ABR: variants seen among roughly 807,000 people sequenced by gnomAD.
ABR encodes ABR activator of RhoGEF and GTPase, also known as active breakpoint cluster region-related protein.
Under a neutral mutation model 107.2 loss-of-function variants are expected in ABR, and 35 were observed. The ratio of observed to expected loss-of-function variants is 0.33; its 90% CI spans 0.25 to 0.43. The LOEUF (loss-of-function observed/expected upper bound fraction) is 0.43, where lower values mean the gene tolerates loss of function less well. ABR is among the 20% of genes least tolerant of loss of function. The probability of loss-of-function intolerance (pLI) is 1.00; values close to 1 mark genes in which losing one functional copy is unlikely to be tolerated. For synonymous variants in ABR, 498 were observed against 462.0 expected (o/e 1.08, Z -1.00); for missense variants, 815 against 1,115.2 (o/e 0.73, Z 3.83).
chr17:1,056,241 A>C, intron 13 of ABR, 132 bp from the exon 14 acceptor site: 1 of 801,192 alleles, frequency 1.2e-6, no homozygotes, highest in Admixed American at 2.2e-5. Flanking sequence ...CCTGGTGGCC[A>C]GATGAAAAAG....
intron 2 of ABR, among the ~76,000 whole-genome samples, chr17:1,111,704 C>G (rs1194710539): frequency 6.6e-6 from 1 of 152,206 alleles, no homozygotes; most frequent in East Asian, 1.9e-4. Flanking sequence ...TTCATTCTCC[C>G]GCCTCCTGTA....
chr17:1,034,631 A>G (rs2044192), intron 16 of ABR, among the ~76,000 whole-genome samples: 147,211 of 152,224 alleles, frequency 0.97, 71,248 homozygotes, highest in East Asian at 1. Context: ...ATCCACCCTC[A>G]CTGGGTCCCA....
chr17:1,124,726 G>A (rs984476153), intron 2 of ABR, among the ~76,000 whole-genome samples: 21 of 152,270 alleles, frequency 1.4e-4, no homozygotes, highest in African/African-American at 3.9e-4. Flanking sequence ...GAGGGCTGGA[G>A]CGGGCAGCTC....
At chr17:1,081,856 T>C (rs921905488) in intron 5 of ABR, among the ~76,000 whole-genome samples, 10 of 152,100 alleles carry the variant, frequency 6.6e-5, no homozygotes, top group African/African-American at 2.4e-4. Flanking sequence ...GGATGACAGG[T>C]GTGAGCCGCC....
At chr17:1,218,075 T>C (rs2043048233) in intron 1 of ABR, among the ~76,000 whole-genome samples, 1 of 152,210 alleles carries the variant, frequency 6.6e-6, no homozygotes, top group Non-Finnish European at 1.5e-5. Flanking sequence ...AGTAATCCGC[T>C]ACCTCGGACA....
At chr17:1,190,899 C>T (rs568477932), upstream of ABR, among the ~76,000 whole-genome samples, 48 of 152,360 alleles carry the variant, frequency 3.2e-4, no homozygotes, top group African/African-American at 1.0e-3. Flanking sequence ...ATCTGGCTTT[C>T]AGTTCAATGA....
intron 5 of ABR, among the ~76,000 whole-genome samples, chr17:1,081,733 C>T (rs1020113219): frequency 3.3e-5 from 5 of 152,184 alleles, no homozygotes; most frequent in Admixed American, 6.5e-5. Flanking sequence ...TGCACCACCA[C>T]GCCCGGCTAA....
intron 17 of ABR, 88 bp downstream of exon 17, chr17:1,013,017 G>A: frequency 2.7e-6 from 4 of 1,502,634 alleles, no homozygotes; most frequent in East Asian, 2.3e-5. Flanking sequence ...GCGGCCCCAG[G>A]AGCAGCCACA....
At chr17:1,197,081 T>A (rs2042584940) in intron 1 of ABR, among the ~76,000 whole-genome samples, 1 of 151,408 alleles carries the variant, frequency 6.6e-6, no homozygotes, top group Non-Finnish European at 1.5e-5. Flanking sequence ...CAGTGCCTCC[T>A]GGACAGACGC....
intron 13 of ABR, 40 bp from the exon 14 acceptor site, chr17:1,056,149 C>G (rs761862159): frequency 6.3e-7 from 1 of 1,581,914 alleles, no homozygotes; most frequent in South Asian, 1.1e-5. Context: ...GGGTGGTCAG[C>G]GGATCCCCTC....
At chr17:1,012,014 G>A in intron 18 of ABR, 29 bp from the exon 19 acceptor site, 1 of 1,610,010 alleles carries the variant, frequency 6.2e-7, no homozygotes, top group Non-Finnish European at 8.5e-7. Context: ...ATGGGTGGAG[G>A]GCAGCCCCCA....
At chr17:1,138,648 G>A (rs1183772103) in intron 1 of ABR, among the ~76,000 whole-genome samples, 2 of 151,894 alleles carry the variant, frequency 1.3e-5, no homozygotes, top group East Asian at 3.9e-4. Context: ...TGGCTGATTC[G>A]AAAAAGTTTT....
intron 16 of ABR, among the ~76,000 whole-genome samples, chr17:1,035,190 G>GT (rs1295521114): frequency 6.6e-6 from 1 of 151,652 alleles, no homozygotes; most frequent in African/African-American, 2.4e-5. Flanking sequence ...CAAGACAGAT[G>GT]TCCCCAGCAA....
chr17:1,057,793 CAGTT>C (rs2033507062), intron 12 of ABR, 173 bp downstream of exon 12: 2 of 592,802 alleles, frequency 3.4e-6, no homozygotes, highest in African/African-American at 3.7e-5. Context: ...TTCAGCCAAT[CAGTT>C]AGATTCTTTG....
chr17:1,219,954 G>A (rs2043086656), intron 1 of ABR, among the ~76,000 whole-genome samples: 2 of 151,642 alleles, frequency 1.3e-5, no homozygotes, highest in African/African-American at 2.4e-5. Flanking sequence ...GTAGGTACTG[G>A]AGTATCTTTA....
intron 1 of ABR, among the ~76,000 whole-genome samples, chr17:1,135,791 A>G (rs11650991): frequency 0.44 from 67,405 of 151,896 alleles, 15,338 homozygotes; most frequent in East Asian, 0.56. Context: ...CAGGAGATTC[A>G]CTTGAACCCG....
At chr17:1,082,823 T>C (rs1416446560) in intron 5 of ABR, among the ~76,000 whole-genome samples, 2 of 152,144 alleles carry the variant, frequency 1.3e-5, no homozygotes, top group South Asian at 2.1e-4. Flanking sequence ...GTGATTCTTA[T>C]CAAGCAAGGT....
At position 1,007,204 on chromosome 17, in the gene ABR, G is replaced by A; in HGVS notation, c.2451C>T (p.Thr817=). 6.2e-7 allele frequency: 1 copy of A among 1,614,040 alleles called. No individual in the cohort carries two copies. Residue 817 remains threonine (T), a synonymous_variant, in exon 22 of 23, where the codon ACC becomes ACT. Transcript: ENST00000302538. Reference sequence around the variant, plus strand: ...CATGGGACCAGATGTCCGCAGCCGAGGTGAGGTGTGCTTTGCTCTCCACTT... The same window carrying A: ...CATGGGACCAGATGTCCGCAGCCGAAGTGAGGTGTGCTTTGCTCTCCACTT... The part of the protein sequence containing the change: ...PSEVESKAHL[T]SAADIWSHDV...
intron 16 of ABR, among the ~76,000 whole-genome samples, chr17:1,030,137 G>A (rs1237020834): frequency 6.6e-6 from 1 of 152,226 alleles, no homozygotes; most frequent in African/African-American, 2.4e-5. Flanking sequence ...GGCACTGCCA[G>A]AGGCAAACCC....
Sources: gnomAD v4.1 joint callset for allele counts (sites outside exome capture counted in the v4.1 genomes callset) on GRCh38, gnomAD v4.1.1 for gene constraint, MANE v1.5 for transcripts, NCBI Gene and HGNC (gene_info 2026-07-23, HGNC 2026-07-21) for gene names.